PRKN: variants seen among roughly 807,000 people sequenced by gnomAD.
PRKN encodes the protein parkin RBR E3 ubiquitin protein ligase.
Under a neutral mutation model 59.5 loss-of-function variants are expected in PRKN, and 56 were observed. That is an observed-to-expected ratio of 0.94 (90% CI 0.76 to 1.18). The LOEUF is 1.18. Among genes scored for constraint, PRKN ranks in the 50% most tolerant of loss-of-function variants. PRKN has a pLI of 0.00. For missense variants in PRKN, 657 were observed against 596.4 expected, an observed-to-expected ratio of 1.10 and a Z score of -1.06; for synonymous variants, 250 against 222.1, an observed-to-expected ratio of 1.13 and a Z score of -1.12.
intron 2 of PRKN, among the ~76,000 whole-genome samples, chr6:162,320,311 G>C (rs1782937937): frequency 7.5e-6 from 1 of 133,200 alleles, no homozygotes; most frequent in South Asian, 2.5e-4. Flanking sequence ...TTTTCCTTTG[G>C]GTAGATACCC....
At chr6:162,025,583 C>T (rs150303444) in intron 5 of PRKN, among the ~76,000 whole-genome samples, 79 of 58,988 alleles carry the variant, frequency 1.3e-3, no homozygotes, top group East Asian at 1.8e-3. Flanking sequence ...ATCCATGGTG[C>T]TTTTTTTTTT....
intron 7 of PRKN, among the ~76,000 whole-genome samples, chr6:161,671,365 G>C (rs55722831): frequency 3.2e-4 from 49 of 152,230 alleles, no homozygotes; most frequent in Non-Finnish European, 6.3e-4. Context: ...AATAAGACGG[G>C]CTCAGACCCC....
At chr6:162,103,524 G>A (rs796585514) in intron 4 of PRKN, among the ~76,000 whole-genome samples, 13 of 152,000 alleles carry the variant, frequency 8.6e-5, no homozygotes, top group African/African-American at 3.1e-4. Context: ...GAGTAAACCA[G>A]GAATGGAACA....
rs149413321 is a variant in PRKN at position 162,459,135 on chromosome 6, T to C, written c.8-15662A>G. ...GTGCCTGGCCAGAAATAAACGTTTTTATTGTGAGCCAACAGAAATTACTGA... is the reference window on the plus strand; with the variant it reads ...GTGCCTGGCCAGAAATAAACGTTTTCATTGTGAGCCAACAGAAATTACTGA... On this transcript the variant is annotated intron_variant, in intron 1 of 11. Transcript: ENST00000366898. Among the ~76,000 whole-genome samples, 153 of 152,284 alleles carry C rather than the reference T, an allele frequency of 1.0e-3. 1 individual carries two copies. Among genetic ancestry groups the C allele is most frequent in the African/African-American group, 3.4e-3 (142 of 41,562 alleles).
intron 2 of PRKN, among the ~76,000 whole-genome samples, chr6:162,387,136 G>A (rs9365413): frequency 0.47 from 70,468 of 149,790 alleles, 17,837 homozygotes; most frequent in East Asian, 0.71. Flanking sequence ...TAGAATTTTT[G>A]AAGCAATGAT....
chr6:161,412,965 T>G (rs1171416250), intron 9 of PRKN, among the ~76,000 whole-genome samples: 1 of 152,248 alleles, frequency 6.6e-6, no homozygotes, highest in Non-Finnish European at 1.5e-5. Flanking sequence ...CGTGTCCCTG[T>G]GGCCTGTGCT....
At position 161,360,281 on chromosome 6, in the gene PRKN, C is replaced by G. The variant is rs74987477; in HGVS notation, c.1168-76G>C. 5 of 1,168,746 alleles carry G rather than the reference C, an allele frequency of 4.3e-6. No individual in the cohort carries two copies. Among genetic ancestry groups the G allele is most frequent in the East Asian group, 2.3e-5 (1 of 42,808 alleles). The allele number at this position is 1,168,746 out of a possible 1,614,324, so 72.4% of individuals were successfully genotyped here. Reference sequence around the variant, plus strand: ...ATCAGAGTTTATGTTCCCTGTACGTCGGTACAGGAAATTCTTGAAGACAGG... The same window carrying G: ...ATCAGAGTTTATGTTCCCTGTACGTGGGTACAGGAAATTCTTGAAGACAGG... On this transcript the variant is annotated intron_variant, in intron 10 of 11. Transcript: ENST00000366898. This position sits in a 1 kb window ranked among gnomAD's most constrained non-coding sequence, Gnocchi z 5.1.
chr6:162,554,813 A>G (rs1231327215), intron 1 of PRKN, among the ~76,000 whole-genome samples: 1 of 152,200 alleles, frequency 6.6e-6, no homozygotes, highest in Admixed American at 6.5e-5. Flanking sequence ...GTCACCACAG[A>G]AATGTTCTAA....
At chr6:161,870,245 G>T (rs1794289929) in intron 6 of PRKN, among the ~76,000 whole-genome samples, 1 of 151,314 alleles carries the variant, frequency 6.6e-6, no homozygotes, top group East Asian at 1.9e-4. Context: ...GAAGAAAAGT[G>T]GTACAAAGAA....
At chr6:161,761,533 T>C (rs1377645233) in intron 7 of PRKN, among the ~76,000 whole-genome samples, 1 of 152,168 alleles carries the variant, frequency 6.6e-6, no homozygotes, top group African/African-American at 2.4e-5. Context: ...AGATATATAA[T>C]GGGACCCAAG....
At chr6:162,558,333 T>TTTTTC in intron 1 of PRKN, among the ~76,000 whole-genome samples, 1 of 150,916 alleles carries the variant, frequency 6.6e-6, no homozygotes, top group African/African-American at 2.4e-5. Context: ...TTCCCTTTTT[T>TTTTTC]TTTTTTTTTT....
At chr6:162,232,809 C>A (rs766303168) in intron 3 of PRKN, among the ~76,000 whole-genome samples, 23 of 151,992 alleles carry the variant, frequency 1.5e-4, no homozygotes, top group Non-Finnish European at 3.1e-4. Flanking sequence ...CTGTTTAATG[C>A]CAGTATCTGC....
At chr6:162,412,770 C>G (rs1399365686) in intron 2 of PRKN, among the ~76,000 whole-genome samples, 3 of 152,174 alleles carry the variant, frequency 2.0e-5, no homozygotes, top group Non-Finnish European at 4.4e-5. Flanking sequence ...AGCTTGAGAA[C>G]TGTAAGCTTA....
chr6:162,634,526 T>C (rs1280527668), intron 1 of PRKN, among the ~76,000 whole-genome samples: 1 of 152,190 alleles, frequency 6.6e-6, no homozygotes. Context: ...CCAGCATGAA[T>C]GCACACTTCT....
intron 1 of PRKN, among the ~76,000 whole-genome samples, chr6:162,457,279 A>AAAC (rs1281296249): frequency 1.3e-5 from 2 of 152,218 alleles, no homozygotes; most frequent in Non-Finnish European, 2.9e-5. Context: ...TGTAAAAAAG[A>AAAC]AACAATATCA....
intron 7 of PRKN, among the ~76,000 whole-genome samples, chr6:161,695,545 G>A (rs138476558): frequency 3.3e-5 from 5 of 152,266 alleles, no homozygotes; most frequent in Non-Finnish European, 7.3e-5. Flanking sequence ...AGTTTACCTG[G>A]TAACCTCACT....
At chr6:161,760,537 C>T (rs1406062896) in intron 7 of PRKN, among the ~76,000 whole-genome samples, 1 of 151,920 alleles carries the variant, frequency 6.6e-6, no homozygotes, top group African/African-American at 2.4e-5. Context: ...TGTGTGGAAC[C>T]CGAGATTCAG....
chr6:161,551,768 G>A lies in PRKN; in HGVS notation c.934-2765C>T, dbSNP rs1780028037. ...GGCCATTGGATAGGACTCTGGGGTT[G>A]TAAAGGATTTTCGAAAATGGAGAAA... On this transcript the variant is annotated intron_variant, in intron 8 of 11. Transcript: ENST00000366898. This position sits in a 1 kb window ranked among gnomAD's most constrained non-coding sequence, Gnocchi z 5.2. Among the ~76,000 whole-genome samples the A allele has an allele frequency of 6.6e-6, 1 of 152,312 alleles. No individual in the cohort carries two copies. Among genetic ancestry groups the A allele is most frequent in the East Asian group, 1.9e-4 (1 of 5,188 alleles).
rs9458274 is a variant in PRKN at position 161,470,453 on chromosome 6, A to G, written c.1083+78401T>C. Among the ~76,000 whole-genome samples, 5,695 of 152,274 alleles carry G rather than the reference A, an allele frequency of 0.037. 220 individuals carry two copies. The highest frequency in any genetic ancestry group is 0.097 in the African/African-American group (4,045 of 41,532). Reference sequence around the variant, plus strand: ...ACTCAAGAGTAATTCTCAACGGATCAGAACTTCCTGAGAGCAGGACACTCT... The same window carrying G: ...ACTCAAGAGTAATTCTCAACGGATCGGAACTTCCTGAGAGCAGGACACTCT... On this transcript the variant is annotated intron_variant, in intron 9 of 11. Transcript: ENST00000366898. The surrounding 1 kb of genome is among the most constrained non-coding windows in gnomAD (Gnocchi z 5.1).
Sources: gnomAD v4.1 joint callset for allele counts (sites outside exome capture counted in the v4.1 genomes callset) on GRCh38, gnomAD v4.1.1 for gene constraint, Gnocchi (gnomAD v3.1) non-coding constraint, MANE v1.5 for transcripts, NCBI Gene and HGNC (gene_info 2026-07-23, HGNC 2026-07-21) for gene names.